Variants in NXPE2 observed in about 807,000 individuals in gnomAD.
The protein encoded by NXPE2 is NXPE family member 2.
In NXPE2, 34 loss-of-function variants were observed where a neutral mutation model predicts 34.4. The ratio of observed to expected loss-of-function variants is 0.99; its 90% CI spans 0.75 to 1.31. NXPE2 has a LOEUF of 1.31. Ranked by LOEUF, NXPE2 falls within the 40% of genes most tolerant of loss-of-function variation. The probability of loss-of-function intolerance (pLI) is 0.00; values close to 1 mark genes in which losing one functional copy is unlikely to be tolerated. For missense variants in NXPE2, 649 were observed against 672.5 expected (o/e 0.97, Z 0.39); for synonymous variants, 235 against 231.3 (o/e 1.02, Z -0.15).
Position 114,698,103 on chromosome 11 carries a change from A to G in NXPE2, c.191A>G (p.Tyr64Cys), listed in dbSNP as rs1490639863. ...ILNQGNIFKK[Y>C]SHSETPLCPA... is the part of the protein sequence containing the mutation. Reference sequence around the variant, plus strand: ...AACCAAGGGAACATCTTCAAAAAATATTCACACTCTGAAACACCACTGTGT... The same window carrying G: ...AACCAAGGGAACATCTTCAAAAAATGTTCACACTCTGAAACACCACTGTGT... The change falls in exon 3 of 6, where the codon TAT (tyrosine) becomes TGT (cysteine). Residue 64 changes from tyrosine to cysteine, a missense_variant. Tyr to Cys is a radical substitution (Grantham distance 194). Coordinates refer to ENST00000389586, the MANE Select transcript of NXPE2 (RefSeq NM_182495.6). 6.2e-7 allele frequency: 1 copy of G among 1,609,482 alleles called. No homozygotes were observed. Among genetic ancestry groups the G allele is most frequent in the Non-Finnish European group, 8.5e-7 (1 of 1,177,482 alleles).
At chr11:114,793,193 T>G in the NXPE2 span, among the ~76,000 whole-genome samples, 1 of 152,214 alleles carries the variant, frequency 6.6e-6, no homozygotes, top group Non-Finnish European at 1.5e-5. Flanking sequence ...CTAAGTTCAA[T>G]TTTTCCTCCT....
the NXPE2 span, among the ~76,000 whole-genome samples, chr11:114,714,424 T>C: frequency 6.6e-6 from 1 of 152,350 alleles, no homozygotes; most frequent in East Asian, 1.9e-4. Flanking sequence ...CTCTATAGGC[T>C]AGGACTTTTA....
chr11:114,595,421 T>C, the NXPE2 span, among the ~76,000 whole-genome samples: 3 of 152,154 alleles, frequency 2.0e-5, no homozygotes, highest in East Asian at 1.9e-4. Context: ...TAACATCAGA[T>C]TGCTTGAATG....
At chr11:114,689,056 T>A (rs1415537795) in intron 2 of NXPE2, among the ~76,000 whole-genome samples, 1 of 152,124 alleles carries the variant, frequency 6.6e-6, no homozygotes, top group Non-Finnish European at 1.5e-5. Flanking sequence ...GTTTTGTGGA[T>A]CCTTTGTATT....
the NXPE2 span, among the ~76,000 whole-genome samples, chr11:114,488,252 C>CT: frequency 6.6e-6 from 1 of 152,096 alleles, no homozygotes; most frequent in Non-Finnish European, 1.5e-5. Flanking sequence ...GCCTAGGAAT[C>CT]TATCAGTTAC....
the NXPE2 span, among the ~76,000 whole-genome samples, chr11:114,773,488 C>T: frequency 1.3e-5 from 2 of 152,140 alleles, no homozygotes; most frequent in African/African-American, 4.8e-5. Flanking sequence ...ACTTGCCCCC[C>T]ACTTCTGGGC....
the NXPE2 span, among the ~76,000 whole-genome samples, chr11:114,488,876 G>A: frequency 3.3e-5 from 5 of 151,742 alleles, no homozygotes; most frequent in Non-Finnish European, 7.4e-5. Flanking sequence ...AACTGAAGGA[G>A]ATAGAGACAC....
chr11:114,688,002 A>T (rs1260188123), intron 2 of NXPE2, among the ~76,000 whole-genome samples: 1 of 152,010 alleles, frequency 6.6e-6, no homozygotes, highest in Non-Finnish European at 1.5e-5. Context: ...CATTACCTTT[A>T]AGGTTTTCTA....
chr11:114,665,480 C>A, the NXPE2 span, among the ~76,000 whole-genome samples: 2 of 152,162 alleles, frequency 1.3e-5, no homozygotes, highest in Non-Finnish European at 2.9e-5. Flanking sequence ...TATATCATTT[C>A]TAAAAAGGAA....
chr11:114,524,473 T>C, the NXPE2 span, among the ~76,000 whole-genome samples: 9 of 152,202 alleles, frequency 5.9e-5, no homozygotes, highest in Admixed American at 2.0e-4. Context: ...GTGGCAGAAT[T>C]GGAAAGTGCA....
At chr11:114,774,674 C>T in the NXPE2 span, among the ~76,000 whole-genome samples, 1 of 152,198 alleles carries the variant, frequency 6.6e-6, no homozygotes, top group African/African-American at 2.4e-5. Flanking sequence ...AAGGTGCTCC[C>T]TGGAGGTCAG....
chr11:114,546,060 G>A, the NXPE2 span, among the ~76,000 whole-genome samples: 3 of 152,172 alleles, frequency 2.0e-5, no homozygotes, highest in Non-Finnish European at 4.4e-5. Flanking sequence ...AGAACACAGT[G>A]TTTTAACTGT....
At chr11:114,651,968 G>A in the NXPE2 span, among the ~76,000 whole-genome samples, 3 of 152,266 alleles carry the variant, frequency 2.0e-5, no homozygotes, top group South Asian at 4.1e-4. Context: ...GGTTCACAGT[G>A]GCACTCCAGC....
downstream of NXPE2, among the ~76,000 whole-genome samples, chr11:114,710,722 G>A (rs753134573): frequency 6.6e-6 from 1 of 151,962 alleles, no homozygotes; most frequent in Non-Finnish European, 1.5e-5. Context: ...AAGAATAAGA[G>A]GAAGGAATGC....
chr11:114,659,460 A>G, the NXPE2 span, among the ~76,000 whole-genome samples: 2 of 145,706 alleles, frequency 1.4e-5, no homozygotes, highest in African/African-American at 5.3e-5. Flanking sequence ...AAGAGTGAAG[A>G]AAAAAAAAAC....
the NXPE2 span, among the ~76,000 whole-genome samples, chr11:114,634,871 G>T: frequency 2.0e-4 from 30 of 152,058 alleles, 1 homozygote; most frequent in Middle Eastern, 0.014. Flanking sequence ...CTGTAGCCGT[G>T]TAGTATAGTT....
the NXPE2 span, among the ~76,000 whole-genome samples, chr11:114,563,309 T>C: frequency 3.0e-4 from 46 of 152,224 alleles, no homozygotes; most frequent in Non-Finnish European, 5.7e-4. Context: ...AGGAAGCTTT[T>C]CTGAAATTTT....
At chr11:114,651,455 G>T in the NXPE2 span, among the ~76,000 whole-genome samples, 1 of 152,152 alleles carries the variant, frequency 6.6e-6, no homozygotes, top group South Asian at 2.1e-4. Flanking sequence ...AAGGTAGTGT[G>T]GACCCAAAGA....
the NXPE2 span, among the ~76,000 whole-genome samples, chr11:114,617,861 G>T: frequency 0.085 from 12,860 of 152,132 alleles, 648 homozygotes; most frequent in Middle Eastern, 0.2. Flanking sequence ...AATAAGTATT[G>T]CCTCATGGGT....
Sources: allele counts gnomAD v4.1 joint callset (sites outside exome capture counted in the v4.1 genomes callset), GRCh38; gene constraint gnomAD v4.1.1; transcripts MANE v1.5; gene names NCBI Gene and HGNC (gene_info 2026-07-23, HGNC 2026-07-21).